FNBP1L: variants seen among roughly 807,000 people sequenced by gnomAD.
The protein encoded by FNBP1L is formin binding protein 1 like, also known as formin-binding protein 1-like.
Under a neutral mutation model 91.2 loss-of-function variants are expected in FNBP1L, and 36 were observed. The ratio of observed to expected loss-of-function variants is 0.39; its 90% CI spans 0.30 to 0.52. The LOEUF (loss-of-function observed/expected upper bound fraction) is 0.52, where lower values mean the gene tolerates loss of function less well. FNBP1L is among the 20% of genes least tolerant of loss of function. FNBP1L has a pLI of 0.66. For missense variants in FNBP1L, 571 were observed against 732.1 expected, an observed-to-expected ratio of 0.78 and a Z score of 2.54; for synonymous variants, 242 against 237.0, an observed-to-expected ratio of 1.02 and a Z score of -0.19.
intron 1 of FNBP1L, among the ~76,000 whole-genome samples, chr1:93,468,424 C>A (rs550719581): frequency 6.6e-6 from 1 of 151,942 alleles, no homozygotes; most frequent in African/African-American, 2.4e-5. Flanking sequence ...CATTAACGGA[C>A]AAATTTTTCT....
At chr1:93,531,422 C>T (rs1227872157) in intron 7 of FNBP1L, among the ~76,000 whole-genome samples, 1 of 152,150 alleles carries the variant, frequency 6.6e-6, no homozygotes, top group Admixed American at 6.5e-5. Context: ...AAAAAGACCT[C>T]AGAATTTTCA....
intron 1 of FNBP1L, among the ~76,000 whole-genome samples, chr1:93,468,379 T>A (rs1457142904): frequency 2.0e-5 from 3 of 152,172 alleles, no homozygotes; most frequent in Non-Finnish European, 4.4e-5. Context: ...GTGTTTTCTA[T>A]TTTTGGCATG....
chr1:93,548,928 C>T (rs1189347311), intron 14 of FNBP1L, among the ~76,000 whole-genome samples: 28 of 152,048 alleles, frequency 1.8e-4, no homozygotes, highest in Admixed American at 1.8e-3. Context: ...GCATGGATCC[C>T]TTAAGGAATT....
At chr1:93,465,535 AT>A (rs1277446717) in intron 1 of FNBP1L, among the ~76,000 whole-genome samples, 1 of 152,118 alleles carries the variant, frequency 6.6e-6, no homozygotes, top group Non-Finnish European at 1.5e-5. Context: ...ACATGAACTC[AT>A]CCTTTTTGAT....
chr1:93,525,006 C>T (rs770611168), intron 5 of FNBP1L, among the ~76,000 whole-genome samples: 2 of 151,130 alleles, frequency 1.3e-5, no homozygotes, highest in Non-Finnish European at 2.9e-5. Context: ...AAGATGTTCA[C>T]GTAGAACACT....
At chr1:93,532,313 A>G (rs893232190) in intron 7 of FNBP1L, among the ~76,000 whole-genome samples, 1 of 151,978 alleles carries the variant, frequency 6.6e-6, no homozygotes, top group East Asian at 1.9e-4. Flanking sequence ...CTAAAAATAC[A>G]AAAATTAGCT....
At chr1:93,460,034 A>G (rs938497265) in intron 1 of FNBP1L, among the ~76,000 whole-genome samples, 2 of 151,712 alleles carry the variant, frequency 1.3e-5, no homozygotes, top group African/African-American at 4.8e-5. Context: ...CCCAAATCTG[A>G]AAATCCAAAA....
At chr1:93,551,280 T>C in intron 16 of FNBP1L, 175 bp downstream of exon 16, 4 of 1,269,712 alleles carry the variant, frequency 3.2e-6, no homozygotes, top group Non-Finnish European at 4.0e-6. Context: ...TTGTGAATAT[T>C]ACCACAAGAA....
intron 5 of FNBP1L, among the ~76,000 whole-genome samples, chr1:93,528,092 T>C (rs1293906556): frequency 6.6e-6 from 1 of 152,050 alleles, no homozygotes; most frequent in Non-Finnish European, 1.5e-5. Context: ...ATCCAGTAGG[T>C]TCATTTCCAA....
At chr1:93,467,763 G>T (rs1004207954) in intron 1 of FNBP1L, among the ~76,000 whole-genome samples, 2 of 152,000 alleles carry the variant, frequency 1.3e-5, no homozygotes, top group Non-Finnish European at 2.9e-5. Context: ...TTCAGCCTGG[G>T]CAACATAACA....
intron 1 of FNBP1L, among the ~76,000 whole-genome samples, chr1:93,491,687 T>C (rs1388670044): frequency 6.6e-6 from 1 of 152,244 alleles, no homozygotes; most frequent in Non-Finnish European, 1.5e-5. Context: ...ACTTGTATTA[T>C]ATTTTACCTT....
intron 10 of FNBP1L, among the ~76,000 whole-genome samples, chr1:93,537,055 A>G (rs1671872906): frequency 6.6e-6 from 1 of 152,110 alleles, no homozygotes; most frequent in Non-Finnish European, 1.5e-5. Flanking sequence ...CTACAAAAAT[A>G]CTAGATATCA....
chr1:93,451,213 A>G (rs1668482417), intron 1 of FNBP1L, among the ~76,000 whole-genome samples: 1 of 152,256 alleles, frequency 6.6e-6, no homozygotes, highest in South Asian at 2.1e-4. Context: ...GATGGATCAG[A>G]TAGCCAAATA....
At chr1:93,489,019 T>C (rs759080354) in intron 1 of FNBP1L, among the ~76,000 whole-genome samples, 18 of 152,170 alleles carry the variant, frequency 1.2e-4, no homozygotes, top group Admixed American at 2.0e-4. Flanking sequence ...AATGAAGTAG[T>C]GAATGGTTTT....
intron 1 of FNBP1L, among the ~76,000 whole-genome samples, chr1:93,461,088 C>T (rs935891035): frequency 1.2e-4 from 18 of 152,032 alleles, no homozygotes; most frequent in Admixed American, 1.2e-3. Context: ...TTTTATGATT[C>T]CAGGACTCTG....
Position 93,538,259 on chromosome 1 carries a change from A to AT in FNBP1L, c.1149+1783dup, listed in dbSNP as rs35394326. ...GAGAAGCTTAAATATGTGTCATCTTATTTTTTTTTTTTTTGAATAAGTTTG... is the reference window on the plus strand; with the variant it reads ...GAGAAGCTTAAATATGTGTCATCTTATTTTTTTTTTTTTTTGAATAAGTTTG... On this transcript the variant is annotated intron_variant, in intron 10 of 16. Transcript: ENST00000271234. 1.9e-3 allele frequency among the ~76,000 whole-genome samples: 270 copies of AT among 144,840 alleles called. 1 individual carries two copies. Among genetic ancestry groups the AT allele is most frequent in the Middle Eastern group, 3.7e-3 (1 of 272 alleles).
chr1:93,527,059 T>G (rs1283328133), intron 5 of FNBP1L, among the ~76,000 whole-genome samples: 1 of 152,126 alleles, frequency 6.6e-6, no homozygotes, highest in African/African-American at 2.4e-5. Context: ...CCTCATTTGG[T>G]GTCTCATACT....
intron 5 of FNBP1L, among the ~76,000 whole-genome samples, chr1:93,528,936 A>G (rs1359451687): frequency 2.0e-5 from 3 of 152,146 alleles, no homozygotes; most frequent in Admixed American, 6.6e-5. Flanking sequence ...AATATGACAT[A>G]TATTTTACAT....
At chr1:93,481,553 G>A (rs1669704550) in intron 1 of FNBP1L, among the ~76,000 whole-genome samples, 1 of 152,106 alleles carries the variant, frequency 6.6e-6, no homozygotes, top group Admixed American at 6.5e-5. Flanking sequence ...ACACTTACAA[G>A]CCTCTTACTA....
Sources: gnomAD v4.1 joint callset for allele counts (sites outside exome capture counted in the v4.1 genomes callset) on GRCh38, gnomAD v4.1.1 for gene constraint, MANE v1.5 for transcripts, NCBI Gene and HGNC (gene_info 2026-07-23, HGNC 2026-07-21) for gene names.